ZNF221: variants seen among roughly 807,000 people sequenced by gnomAD.
ZNF221 encodes the protein zinc finger protein 221.
In ZNF221, 10 loss-of-function variants were observed where a neutral mutation model predicts 12.6. The observed-to-expected ratio is 0.79, with a 90% confidence interval of 0.49 to 1.34. The LOEUF (loss-of-function observed/expected upper bound fraction) is 1.34, where lower values mean the gene tolerates loss of function less well. Among genes scored for constraint, ZNF221 ranks in the 40% most tolerant of loss-of-function variants. The pLI is 0.00. For synonymous variants in ZNF221, 232 were observed against 244.0 expected (o/e 0.95, Z 0.46); for missense variants, 661 against 721.4 (o/e 0.92, Z 0.96).
intron 1 of ZNF221, among the ~76,000 whole-genome samples, chr19:43,957,466 AC>A (rs1326168103): frequency 6.6e-6 from 1 of 152,072 alleles, no homozygotes; most frequent in Non-Finnish European, 1.5e-5. Context: ...AGCCACCATA[AC>A]CCGCCTGGAG....
chr19:43,966,315 T>C lies in ZNF221; in HGVS notation c.813T>C (p.Val271=). The C allele has an allele frequency of 6.2e-7, 1 of 1,614,178 alleles. No homozygotes were observed. Among genetic ancestry groups the C allele is most frequent in the Non-Finnish European group, 8.5e-7 (1 of 1,180,024 alleles). The part of the protein sequence containing the change: ...KGFHSRSALN[V]HCKLHTGEKP... ...TCCATAGTAGATCAGCACTTAATGT[T>C]CATTGCAAATTGCACACAGGAGAGA... The change falls in exon 5 of 5, where the codon GTT becomes GTC. Residue 271 remains valine, a synonymous_variant. Transcript: ENST00000587682.
chr19:43,978,029 C>G, the ZNF221 span, among the ~76,000 whole-genome samples: 1 of 152,160 alleles, frequency 6.6e-6, no homozygotes, highest in Non-Finnish European at 1.5e-5. Context: ...CATGGTGTTA[C>G]ATAAGACTCA....
At chr19:43,965,563 A>G (rs1011222101) in intron 4 of ZNF221, among the ~76,000 whole-genome samples, 1 of 152,220 alleles carries the variant, frequency 6.6e-6, no homozygotes, top group Non-Finnish European at 1.5e-5. Flanking sequence ...TAACGGGTTA[A>G]GTGTATGTAT....
In ZNF221 at chr19:43,965,790, C is replaced by T. The variant is rs866672928; in HGVS notation, c.302-14C>T. ...CTTCACTTGCCCACATATATTAATTCTGTGTCTTTTTAGGAGGCAAGATCC... is the reference window on the plus strand; with the variant it reads ...CTTCACTTGCCCACATATATTAATTTTGTGTCTTTTTAGGAGGCAAGATCC... On this transcript the variant is annotated splice_polypyrimidine_tract_variant and intron_variant, in intron 4 of 4. Coordinates refer to ENST00000587682, the MANE Select transcript of ZNF221 (RefSeq NM_001297588.2). 9 of 1,566,488 alleles carry T rather than the reference C, an allele frequency of 5.7e-6. No homozygotes were observed. In the Middle Eastern group the frequency reaches 8.6e-4, roughly 149 times the overall value.
the ZNF221 span, among the ~76,000 whole-genome samples, chr19:43,976,257 G>A: frequency 6.6e-6 from 1 of 151,850 alleles, no homozygotes; most frequent in Non-Finnish European, 1.5e-5. Flanking sequence ...TCTGGTAAAG[G>A]CCAGGTGTGG....
chr19:43,954,518 A>G (rs1348394148), intron 1 of ZNF221, among the ~76,000 whole-genome samples: 1 of 152,168 alleles, frequency 6.6e-6, no homozygotes, highest in Admixed American at 6.5e-5. Flanking sequence ...CCATTCAGAT[A>G]GGGTAAGGTT....
chr19:43,954,186 C>A (rs1974719271), intron 1 of ZNF221, among the ~76,000 whole-genome samples: 1 of 151,832 alleles, frequency 6.6e-6, no homozygotes, highest in Non-Finnish European at 1.5e-5. Context: ...GTGGGTGAAG[C>A]CACTCAGGTT....
Position 43,962,747 on chromosome 19 carries a change from ACTGCT to A in ZNF221, c.22_26del (p.Leu8SerfsTer9). The A allele has an allele frequency of 6.2e-7, 1 of 1,613,960 alleles. No homozygotes were observed. Among genetic ancestry groups the A allele is most frequent in the Non-Finnish European group, 8.5e-7 (1 of 1,179,902 alleles). On this transcript the variant is annotated frameshift_variant, in exon 2 of 5. Coordinates refer to ENST00000587682, the MANE Select transcript of ZNF221 (RefSeq NM_001297588.2). LOFTEE classifies it high-confidence loss of function. ...CAGGCATGATTTCACCTTCACTTGAACTGCTTCATTCAGGACTCTGCAAATTCCCT... is the reference window on the plus strand; with the variant it reads ...CAGGCATGATTTCACCTTCACTTGAATCATTCAGGACTCTGCAAATTCCCT...
intron 1 of ZNF221, among the ~76,000 whole-genome samples, chr19:43,954,106 G>T (rs973012875): frequency 2.6e-5 from 3 of 115,448 alleles, no homozygotes; most frequent in Non-Finnish European, 4.0e-5. Context: ...AAAAAAAAAA[G>T]GATATGCAAC....
downstream of ZNF221, chr19:43,967,826 C>A: frequency 5.4e-6 from 1 of 184,250 alleles, no homozygotes; most frequent in Admixed American, 4.9e-5. Context: ...TGGAGATAAT[C>A]CATACAAATG....
downstream of ZNF221, among the ~76,000 whole-genome samples, chr19:43,972,169 G>T (rs990818918): frequency 4.6e-5 from 7 of 152,140 alleles, no homozygotes; most frequent in African/African-American, 1.4e-4. Flanking sequence ...TAACCTGCTT[G>T]TGAATGACTC....
At chr19:43,953,124 A>C (rs1974700797) in intron 1 of ZNF221, among the ~76,000 whole-genome samples, 1 of 151,692 alleles carries the variant, frequency 6.6e-6, no homozygotes, top group Non-Finnish European at 1.5e-5. Flanking sequence ...ACACCACCCC[A>C]TCTTTTAGTA....
chr19:43,966,287 G>A lies in ZNF221; in HGVS notation c.785G>A (p.Gly262Asp), dbSNP rs1974952348. Residue 262 changes from glycine to aspartate, a missense_variant, in exon 5 of 5, where the codon GGC becomes GAC. Physicochemically the swap from Gly to Asp is moderately conservative, Grantham distance 94. Transcript: ENST00000587682. ...TTCAAATGTGGGCAATGTGGGAAAGGCTTCCATAGTAGATCAGCACTTAAT... is the reference window on the plus strand; with the variant it reads ...TTCAAATGTGGGCAATGTGGGAAAGACTTCCATAGTAGATCAGCACTTAAT... ...KPFKCGQCGK[G>D]FHSRSALNVH... is the part of the protein sequence containing the mutation. 6.2e-7 allele frequency: 1 copy of A among 1,613,180 alleles called. No individual in the cohort carries two copies.
At chr19:43,973,352 G>T in the ZNF221 span, among the ~76,000 whole-genome samples, 60,700 of 151,896 alleles carry the variant, frequency 0.4, 14,249 homozygotes, top group South Asian at 0.54. Flanking sequence ...ACAAGGACCA[G>T]CCCCCCGCCC....
rs1365869751 is a variant in ZNF221, at chr19:43,966,855, C to T, written c.1353C>T (p.Asn451=). Reference sequence around the variant, plus strand: ...CCCACAATGGAGAAAAGCCATATAACTGTGAGGAGTGTGGTAAGGACTATA... The same window carrying T: ...CCCACAATGGAGAAAAGCCATATAATTGTGAGGAGTGTGGTAAGGACTATA... The part of the protein sequence containing the change: ...QRSHNGEKPY[N]CEECGKDYKR... The change falls in exon 5 of 5, where the codon AAC becomes AAT. Residue 451 remains asparagine, a synonymous_variant. Transcript: ENST00000587682. 3 of 1,614,144 alleles carry T rather than the reference C, an allele frequency of 1.9e-6. No individual in the cohort carries two copies. Among genetic ancestry groups the T allele is most frequent in the Non-Finnish European group, 2.5e-6 (3 of 1,180,036 alleles).
At chr19:43,980,851 G>T in the ZNF221 span, among the ~76,000 whole-genome samples, 1 of 152,166 alleles carries the variant, frequency 6.6e-6, no homozygotes, top group South Asian at 2.1e-4. Flanking sequence ...ACTCATCCAA[G>T]ATAAGTCTGT....
At chr19:43,971,400 C>T (rs958617893), downstream of ZNF221, among the ~76,000 whole-genome samples, 4 of 152,144 alleles carry the variant, frequency 2.6e-5, no homozygotes, top group Admixed American at 2.6e-4. Flanking sequence ...CAAATTCACA[C>T]ATAACAATAC....
chr19:43,960,368 A>G (rs1473417508), intron 1 of ZNF221: 1 of 152,264 alleles, frequency 6.6e-6, no homozygotes, highest in Admixed American at 6.5e-5. Context: ...TAAGCAGAGT[A>G]TAAAAGTTTG....
chr19:43,960,811 G>A (rs1974830383), intron 1 of ZNF221, among the ~76,000 whole-genome samples: 1 of 152,220 alleles, frequency 6.6e-6, no homozygotes, highest in East Asian at 1.9e-4. Context: ...AGGAGGCTTG[G>A]CAGCTTCTAC....
Sources: gnomAD v4.1 joint callset for allele counts (sites outside exome capture counted in the v4.1 genomes callset) on GRCh38, gnomAD v4.1.1 for gene constraint, MANE v1.5 for transcripts, NCBI Gene and HGNC (gene_info 2026-07-23, HGNC 2026-07-21) for gene names.